Variants in ADAM12 observed in about 807,000 individuals in gnomAD.
ADAM12 encodes the protein disintegrin and metalloproteinase domain-containing protein 12.
ADAM12 carries 70 observed loss-of-function variants against 106.4 expected under a neutral mutation model. The ratio of observed to expected loss-of-function variants is 0.66; its 90% CI spans 0.54 to 0.80. The LOEUF (loss-of-function observed/expected upper bound fraction) is 0.80, where lower values mean the gene tolerates loss of function less well. Ranked by LOEUF, ADAM12 falls within the 30% of genes least tolerant of loss-of-function variation. ADAM12 has a pLI of 0.00. For missense variants in ADAM12, 1,010 were observed against 1,171.9 expected (o/e 0.86, Z 2.02); for synonymous variants, 420 against 433.5 (o/e 0.97, Z 0.39).
At chr10:126,023,714 A>G (rs1330153461) in intron 21 of ADAM12, among the ~76,000 whole-genome samples, 1 of 152,148 alleles carries the variant, frequency 6.6e-6, no homozygotes, top group East Asian at 1.9e-4. Flanking sequence ...TAAACCTGTC[A>G]CCACAAATTG....
rs184275648 is a variant in ADAM12, at chr10:126,047,841, T to C, written c.1917+1412A>G. Among the ~76,000 whole-genome samples, 1,059 of 152,262 alleles carry C rather than the reference T, an allele frequency of 7.0e-3. 8 individuals are homozygous for C. Among genetic ancestry groups the C allele is most frequent in the African/African-American group, 0.024 (1,006 of 41,544 alleles). ...CATTCTATCATAAAGACACATGCACTCATATGTTCATTGCAGCACTACTCA... is the reference window on the plus strand; with the variant it reads ...CATTCTATCATAAAGACACATGCACCCATATGTTCATTGCAGCACTACTCA... On this transcript the variant is annotated intron_variant, in intron 16 of 22. Coordinates refer to ENST00000448723, the MANE Select transcript of ADAM12 (RefSeq NM_001288973.2).
In ADAM12 at chr10:126,109,780, G is replaced by A. The variant is rs879811563; in HGVS notation, c.664C>T (p.Arg222Ter). 5.0e-6 allele frequency: 8 copies of A among 1,611,380 alleles called. No homozygotes were observed. The highest frequency in any genetic ancestry group is 1.7e-5 in the Admixed American group (1 of 59,852). Residue 222 changes from arginine to a stop codon, truncating the protein, a stop_gained, in exon 7 of 23, where the codon CGA becomes TGA. Coordinates refer to ENST00000448723, the MANE Select transcript of ADAM12 (RefSeq NM_001288973.2). LOFTEE classifies it high-confidence loss of function. Reference protein sequence around the residue: ...YVELVIVADNREFQRQGKDLE... With the variant: ...YVELVIVADN ...AAATTTTAAAAAGTTCTTACCTCTC[G>A]GTTGTCTGCCACGATCACCAGCTCC... is the stretch of plus-strand genomic sequence containing the variant.
chr10:126,026,394 A>G (rs1953873664), intron 21 of ADAM12, among the ~76,000 whole-genome samples: 1 of 152,204 alleles, frequency 6.6e-6, no homozygotes, highest in Non-Finnish European at 1.5e-5. Context: ...CAACAAAGAC[A>G]TTCAGGACTT....
Position 126,291,411 on chromosome 10 carries a change from G to A in ADAM12, c.187-12423C>T, listed in dbSNP as rs142343437. 2.6e-4 allele frequency among the ~76,000 whole-genome samples: 39 copies of A among 152,292 alleles called. No homozygotes were observed. In the East Asian group the frequency reaches 7.3e-3, roughly 29 times the overall value. On this transcript the variant is annotated intron_variant, in intron 2 of 22. Coordinates refer to ENST00000448723, the MANE Select transcript of ADAM12 (RefSeq NM_001288973.2). ...ATGTACTGAGGCCGAATGCAAACAA[G>A]TTTTTCTATTACAAACAGAATTACA...
At chr10:126,296,864 T>C (rs1181883909) in intron 2 of ADAM12, among the ~76,000 whole-genome samples, 1 of 152,244 alleles carries the variant, frequency 6.6e-6, no homozygotes, top group East Asian at 1.9e-4. Context: ...CTTTTCATTT[T>C]ACCTAACAAC....
At chr10:126,109,426 AT>A (rs1322256854) in intron 7 of ADAM12, among the ~76,000 whole-genome samples, 1 of 152,160 alleles carries the variant, frequency 6.6e-6, no homozygotes, top group Non-Finnish European at 1.5e-5. Context: ...CATATGGGAT[AT>A]TTTTTAAATG....
intron 3 of ADAM12, among the ~76,000 whole-genome samples, chr10:126,224,596 G>A (rs1381065754): frequency 6.6e-6 from 1 of 152,212 alleles, no homozygotes; most frequent in Non-Finnish European, 1.5e-5. Context: ...CCCTTGTCAC[G>A]AAGGGAGGTT....
intron 1 of ADAM12, among the ~76,000 whole-genome samples, chr10:126,378,906 G>T (rs1267802566): frequency 6.6e-6 from 1 of 152,018 alleles, no homozygotes; most frequent in Non-Finnish European, 1.5e-5. Flanking sequence ...AATGATTTTA[G>T]CTTAAAAGTT....
At chr10:126,384,578 A>G (rs865970262) in intron 1 of ADAM12, among the ~76,000 whole-genome samples, 2 of 152,144 alleles carry the variant, frequency 1.3e-5, no homozygotes, top group African/African-American at 4.8e-5. Context: ...GGGCTCTAGG[A>G]AAGATGACAT....
intron 4 of ADAM12, among the ~76,000 whole-genome samples, chr10:126,143,377 TGC>T (rs1294581790): frequency 3.0e-5 from 4 of 134,058 alleles, no homozygotes; most frequent in African/African-American, 1.1e-4. Flanking sequence ...GTATATGCTG[TGC>T]GTGTGTGTAT....
rs1955664813 is a variant in ADAM12 at position 126,101,378 on chromosome 10, T to C, written c.742-137A>G. ...AAATATCTCTGTGCTCTTTGGTTCC[T>C]GTGGTGTTGGAATTTAAGAAATATT... is the stretch of plus-strand genomic sequence containing the variant. On this transcript the variant is annotated intron_variant, in intron 8 of 22. Transcript: ENST00000448723. The C allele has an allele frequency of 4.7e-6, 4 of 854,478 alleles. No homozygotes were observed. In the Admixed American group the frequency reaches 8.4e-5, roughly 18 times the overall value. The allele number at this position is 854,478 out of a possible 1,614,324, so 52.9% of individuals were successfully genotyped here.
intron 12 of ADAM12, among the ~76,000 whole-genome samples, chr10:126,069,081 A>G (rs1477624780): frequency 6.6e-6 from 1 of 152,120 alleles, no homozygotes; most frequent in African/African-American, 2.4e-5. Context: ...ATCTGATGTA[A>G]GGGCATGCAG....
chr10:126,349,713 C>T (rs1015953718), intron 1 of ADAM12, among the ~76,000 whole-genome samples: 2 of 152,188 alleles, frequency 1.3e-5, no homozygotes, highest in African/African-American at 2.4e-5. Context: ...TTTTGATGAA[C>T]TTTCAACGTC....
chr10:126,071,784 T>G (rs973522775), intron 11 of ADAM12, 130 bp from the exon 12 acceptor site: 7 of 963,540 alleles, frequency 7.3e-6, no homozygotes, highest in Non-Finnish European at 1.1e-5. Flanking sequence ...CAATGAACAA[T>G]GCATATCAAA....
chr10:126,379,812 A>C (rs7074383), intron 1 of ADAM12, among the ~76,000 whole-genome samples: 100,195 of 151,946 alleles, frequency 0.66, 33,248 homozygotes, highest in Admixed American at 0.74. Flanking sequence ...ATATCTCTCA[A>C]AAGCAATGTC....
chr10:126,364,597 C>G (rs952996376), intron 1 of ADAM12, among the ~76,000 whole-genome samples: 4 of 152,088 alleles, frequency 2.6e-5, no homozygotes, highest in Admixed American at 2.6e-4. Flanking sequence ...CTAAAAAGTG[C>G]TTTGTAATAA....
At chr10:126,028,380 A>C (rs1248018220) in intron 21 of ADAM12, among the ~76,000 whole-genome samples, 2 of 152,192 alleles carry the variant, frequency 1.3e-5, no homozygotes, top group Non-Finnish European at 2.9e-5. Flanking sequence ...AAAAAGAACA[A>C]AGCTGGAGGC....
At chr10:126,243,094 G>A (rs2133658455) in intron 3 of ADAM12, among the ~76,000 whole-genome samples, 1 of 152,342 alleles carries the variant, frequency 6.6e-6, no homozygotes, top group Admixed American at 6.5e-5. Context: ...GTGCAGAGCA[G>A]CTGTGATGGC....
intron 17 of ADAM12, among the ~76,000 whole-genome samples, 190 bp downstream of exon 17, chr10:126,045,865 T>G (rs1223834264): frequency 6.6e-6 from 1 of 152,246 alleles, no homozygotes; most frequent in Non-Finnish European, 1.5e-5. Context: ...CAGCTCAGTC[T>G]GATTTTCTTT....
Sources: allele counts gnomAD v4.1 joint callset (sites outside exome capture counted in the v4.1 genomes callset), GRCh38; gene constraint gnomAD v4.1.1; transcripts MANE v1.5; gene names NCBI Gene and HGNC (gene_info 2026-07-23, HGNC 2026-07-21).